Variants in OTUD7B observed in about 807,000 individuals in gnomAD.
OTUD7B encodes OTU domain-containing protein 7B.
Under a neutral mutation model 82.2 loss-of-function variants are expected in OTUD7B, and 34 were observed. The ratio of observed to expected loss-of-function variants is 0.41; its 90% CI spans 0.31 to 0.55. OTUD7B has a LOEUF of 0.55. OTUD7B is among the 20% of genes least tolerant of loss of function. The probability of loss-of-function intolerance (pLI) is 0.20; values close to 1 mark genes in which losing one functional copy is unlikely to be tolerated. For synonymous variants in OTUD7B, 398 were observed against 402.7 expected (o/e 0.99, Z 0.14); for missense variants, 944 against 1,062.1 (o/e 0.89, Z 1.55).
the OTUD7B span, among the ~76,000 whole-genome samples, chr1:150,037,351 C>T: frequency 6.6e-6 from 1 of 151,156 alleles, no homozygotes; most frequent in African/African-American, 2.4e-5. Flanking sequence ...CTTGTATAAA[C>T]CCCACTAAAA....
the OTUD7B span, among the ~76,000 whole-genome samples, chr1:150,066,095 A>G: frequency 2.6e-5 from 4 of 152,228 alleles, no homozygotes; most frequent in Admixed American, 2.6e-4. This position sits in a 1 kb window ranked among gnomAD's most constrained non-coding sequence, Gnocchi z 4.6. Flanking sequence ...TTCTTTCTTA[A>G]AAAAGCACAG....
rs1553777496 is a variant in OTUD7B, at chr1:149,971,042, A to T, written c.274+21T>A. 5 of 1,537,162 alleles carry T rather than the reference A, an allele frequency of 3.3e-6. No individual in the cohort carries two copies. In the Admixed American group the frequency reaches 9.2e-5, roughly 28 times the overall value. On this transcript the variant is annotated intron_variant, in intron 3 of 11. Coordinates refer to ENST00000581312, the MANE Select transcript of OTUD7B (RefSeq NM_020205.4). Reference sequence around the variant, plus strand: ...CTCCCTTCCTACTCCATATACGGAAACATTCCAGTCACCCCAGTACCTTGA... The same window carrying T: ...CTCCCTTCCTACTCCATATACGGAATCATTCCAGTCACCCCAGTACCTTGA...
At chr1:150,022,342 G>T in the OTUD7B span, among the ~76,000 whole-genome samples, 8 of 146,284 alleles carry the variant, frequency 5.5e-5, no homozygotes, top group African/African-American at 7.6e-5. Flanking sequence ...AGGTTGTGGT[G>T]AGCCAAGATC....
the OTUD7B span, among the ~76,000 whole-genome samples, chr1:150,037,653 G>A: frequency 1.1e-3 from 169 of 151,494 alleles, 2 homozygotes; most frequent in Admixed American, 2.7e-3. Flanking sequence ...GCAGTGCCGC[G>A]ATCTCAGCTC....
chr1:150,001,698 T>A (rs587637312), intron 1 of OTUD7B, among the ~76,000 whole-genome samples: 2 of 152,296 alleles, frequency 1.3e-5, no homozygotes, highest in East Asian at 3.9e-4. Context: ...AAACAAAATG[T>A]ACCCTTGCCC....
chr1:150,022,396 CA>C, the OTUD7B span, among the ~76,000 whole-genome samples: 157 of 6,068 alleles, frequency 0.026, 39 homozygotes, highest in African/African-American at 0.042. Flanking sequence ...AAACTCTCTA[CA>C]AAAAAAAAAA....
chr1:149,965,981 C>T (rs1649498165), intron 4 of OTUD7B, 103 bp from the exon 5 acceptor site: 1 of 794,944 alleles, frequency 1.3e-6, no homozygotes, highest in Admixed American at 2.5e-5. Context: ...AGGAGGCCTA[C>T]CCAGAATAAA....
chr1:149,965,923 C>A, intron 4 of OTUD7B, 45 bp from the exon 5 acceptor site: 1 of 1,491,322 alleles, frequency 6.7e-7, no homozygotes, highest in Non-Finnish European at 9.3e-7. Context: ...ATCCATGAAG[C>A]CCTTCCACCT....
At chr1:149,972,355 C>T (rs1649999119) in intron 2 of OTUD7B, among the ~76,000 whole-genome samples, 1 of 152,182 alleles carries the variant, frequency 6.6e-6, no homozygotes, top group African/African-American at 2.4e-5. Context: ...CTGTTCCAGT[C>T]ATCACTGACC....
At chr1:149,958,774 T>C (rs1553775068) in intron 7 of OTUD7B, among the ~76,000 whole-genome samples, 1 of 151,768 alleles carries the variant, frequency 6.6e-6, no homozygotes, top group Non-Finnish European at 1.5e-5. Context: ...GACAGAGGTC[T>C]CTCTTTGTCA....
intron 1 of OTUD7B, among the ~76,000 whole-genome samples, chr1:149,979,856 T>A (rs1017391628): frequency 3.3e-5 from 5 of 152,056 alleles, no homozygotes; most frequent in Non-Finnish European, 7.4e-5. Flanking sequence ...TGGTAGCAGC[T>A]CAAATAACTT....
intron 1 of OTUD7B, among the ~76,000 whole-genome samples, chr1:150,005,964 T>A (rs16833048): frequency 6.6e-6 from 1 of 152,110 alleles, no homozygotes; most frequent in Admixed American, 6.5e-5. Context: ...TATCAACATA[T>A]TCAGTGTAGT....
rs1553775240 is a variant in OTUD7B at position 149,959,643 on chromosome 1, C to T, written c.845+41G>A. 8.2e-6 allele frequency: 10 copies of T among 1,224,066 alleles called. No individual in the cohort carries two copies. In the East Asian group the frequency reaches 2.1e-4, roughly 26 times the overall value. 75.8% of individuals were successfully genotyped at this position (1,224,066 alleles called of 1,614,324 possible). On this transcript the variant is annotated intron_variant, in intron 7 of 11. Coordinates refer to ENST00000581312, the MANE Select transcript of OTUD7B (RefSeq NM_020205.4). Reference sequence around the variant, plus strand: ...CTGGGCTGTGGAAGCCCAGTGAGGACTCTATGCAGGTTTCCTCCTCCCCTA... The same window carrying T: ...CTGGGCTGTGGAAGCCCAGTGAGGATTCTATGCAGGTTTCCTCCTCCCCTA...
intron 11 of OTUD7B, 92 bp downstream of exon 11, chr1:149,947,159 T>G (rs782057042): frequency 1.1e-5 from 8 of 722,260 alleles, no homozygotes; most frequent in Non-Finnish European, 2.0e-5. Flanking sequence ...CCACTCAGAA[T>G]AGATTCAGAA....
chr1:150,016,547 C>G, the OTUD7B span, among the ~76,000 whole-genome samples: 1 of 151,312 alleles, frequency 6.6e-6, no homozygotes, highest in Non-Finnish European at 1.5e-5. Flanking sequence ...CTCTGCCTCC[C>G]GGGTTCAAAC....
At chr1:149,990,906 G>A (rs763344791) in intron 1 of OTUD7B, among the ~76,000 whole-genome samples, 1 of 151,844 alleles carries the variant, frequency 6.6e-6, no homozygotes, top group African/African-American at 2.4e-5. Context: ...CAGGAGAATC[G>A]CTTGTACCTG....
intron 10 of OTUD7B, among the ~76,000 whole-genome samples, chr1:149,948,699 T>C (rs1477960753): frequency 6.6e-6 from 1 of 152,152 alleles, no homozygotes; most frequent in African/African-American, 2.4e-5. Flanking sequence ...ATCAATGTTT[T>C]AGAGATGAAT....
At chr1:149,990,554 T>A (rs1651490140) in intron 1 of OTUD7B, among the ~76,000 whole-genome samples, 1 of 152,260 alleles carries the variant, frequency 6.6e-6, no homozygotes, top group African/African-American at 2.4e-5. Flanking sequence ...TGTATAGCTG[T>A]CTGTTCACTA....
At chr1:150,024,031 C>T in the OTUD7B span, among the ~76,000 whole-genome samples, 1 of 152,186 alleles carries the variant, frequency 6.6e-6, no homozygotes, top group African/African-American at 2.4e-5. Flanking sequence ...AATTTTGACA[C>T]ATCAGATAGT....
Sources: gnomAD v4.1 joint callset for allele counts (sites outside exome capture counted in the v4.1 genomes callset) on GRCh38, gnomAD v4.1.1 for gene constraint, Gnocchi (gnomAD v3.1) non-coding constraint, MANE v1.5 for transcripts, NCBI Gene and HGNC (gene_info 2026-07-23, HGNC 2026-07-21) for gene names.